SERAC1: variants seen among roughly 807,000 people sequenced by gnomAD.
SERAC1 encodes serine active site containing 1, also known as protein SERAC1.
Under a neutral mutation model 85.7 loss-of-function variants are expected in SERAC1, and 36 were observed. The observed-to-expected ratio is 0.42, with a 90% CI of 0.32 to 0.55. The LOEUF is 0.55. Among genes scored for constraint, SERAC1 ranks in the 20% least tolerant of loss-of-function variants. The pLI is 0.11. For synonymous variants in SERAC1, 242 were observed against 265.3 expected (o/e 0.91, Z 0.85); for missense variants, 629 against 796.2 (o/e 0.79, Z 2.53).
intron 8 of SERAC1, among the ~76,000 whole-genome samples, chr6:158,133,587 A>G (rs1443406003): frequency 6.6e-6 from 1 of 151,970 alleles, no homozygotes; most frequent in African/African-American, 2.4e-5. Context: ...GGGTTTCACC[A>G]TGTTAGACAG....
chr6:158,167,834 T>C (rs968643857), intron 1 of SERAC1, among the ~76,000 whole-genome samples: 98 of 151,870 alleles, frequency 6.5e-4, no homozygotes, highest in Non-Finnish European at 1.0e-3. Context: ...GTGAGGCCCT[T>C]TCCTCCTCCT....
Position 158,146,899 on chromosome 6 carries a change from C to T in SERAC1, c.370G>A (p.Val124Ile), listed in dbSNP as rs376073794. The T allele has an allele frequency of 6.2e-7, 1 of 1,613,164 alleles. No homozygotes were observed. Among genetic ancestry groups the T allele is most frequent in the Admixed American group, 1.7e-5 (1 of 59,976 alleles). ...GCACACTCATGATCTTCTATATCAA[C>T]TGTACTAAAAGGATCTTTGCAAAAA... ...RNPFADPFST[V>I]DIEDHECAVW... Residue 124 changes from valine (V) to isoleucine (I), a missense_variant, in exon 6 of 17, where the codon GTT (valine) becomes ATT (isoleucine). Coordinates refer to ENST00000647468, the MANE Select transcript of SERAC1 (RefSeq NM_032861.4).
chr6:158,120,414 T>G lies in SERAC1; in HGVS notation c.1166+11A>C. 1.2e-6 allele frequency: 2 copies of G among 1,607,750 alleles called. No homozygotes were observed. The highest frequency in any genetic ancestry group is 1.7e-6 in the Non-Finnish European group (2 of 1,175,990). ...CAAAGGGGACAAAGCAACTCTCTTC[T>G]GCTTCCTTACCTTGTTCGATATTGG... On this transcript the variant is annotated intron_variant, in intron 11 of 16. Coordinates refer to ENST00000647468, the MANE Select transcript of SERAC1 (RefSeq NM_032861.4). The surrounding 1 kb of genome is among the most constrained non-coding windows in gnomAD (Gnocchi z 4.4).
chr6:158,113,672 A>G (rs992686454), intron 15 of SERAC1, 80 bp from the exon 16 acceptor site: 3 of 1,257,222 alleles, frequency 2.4e-6, no homozygotes, highest in Admixed American at 2.1e-5. Flanking sequence ...TCAAATTTAG[A>G]GAGGAAATTA....
Position 158,145,960 on chromosome 6 carries a change from A to G in SERAC1, c.487+822T>C, listed in dbSNP as rs185234259. 1.3e-3 allele frequency: 201 copies of G among 152,350 alleles called. 1 individual carries two copies. Among genetic ancestry groups the G allele is most frequent in the African/African-American group, 4.6e-3 (193 of 41,588 alleles). The allele number at this position is 152,350 out of a possible 1,614,324, so 9.4% of individuals were successfully genotyped here. On this transcript the variant is annotated intron_variant, in intron 6 of 16. Coordinates refer to ENST00000647468, the MANE Select transcript of SERAC1 (RefSeq NM_032861.4). The stretch of plus-strand genomic sequence containing the variant: ...TTTTATTGTAAAATTTGTGATTTTT[A>G]AACACAATTACATATTTCAAATAGT...
At chr6:158,114,684 C>T in intron 15 of SERAC1, 105 bp downstream of exon 15, 3 of 454,606 alleles carry the variant, frequency 6.6e-6, no homozygotes, top group Middle Eastern at 5.5e-4. Flanking sequence ...CAATTATATA[C>T]AAATTATAAA....
At chr6:158,154,820 C>T (rs985395975) in intron 3 of SERAC1, among the ~76,000 whole-genome samples, 1 of 152,152 alleles carries the variant, frequency 6.6e-6, no homozygotes, top group Non-Finnish European at 1.5e-5. Flanking sequence ...CCAGATGTGA[C>T]CCTAAGTGTG....
chr6:158,148,860 T>C lies in SERAC1; in HGVS notation c.355+5A>G, dbSNP rs1272614726. The C allele has an allele frequency of 3.1e-6, 5 of 1,596,912 alleles. No homozygotes were observed. Among genetic ancestry groups the C allele is most frequent in the Non-Finnish European group, 4.3e-6 (5 of 1,167,660 alleles). The stretch of plus-strand genomic sequence containing the variant: ...AGGATTCCAAGTCATATAGTGGATA[T>C]TTACCAGCAAATGGATTCCGCAGTA... On this transcript the variant is annotated splice_donor_5th_base_variant and intron_variant, in intron 5 of 16. Coordinates refer to ENST00000647468, the MANE Select transcript of SERAC1 (RefSeq NM_032861.4).
At chr6:158,134,949 G>A (rs561394387) in intron 8 of SERAC1, among the ~76,000 whole-genome samples, 7 of 152,192 alleles carry the variant, frequency 4.6e-5, no homozygotes, top group Non-Finnish European at 1.0e-4. Context: ...AATAAGTGTT[G>A]AGCTGGCATC....
chr6:158,158,670 C>T (rs747481923), intron 1 of SERAC1: 9 of 220,254 alleles, frequency 4.1e-5, no homozygotes, highest in East Asian at 1.1e-4. Context: ...AAGAATTAAA[C>T]GGTAACAAGA....
intron 8 of SERAC1, among the ~76,000 whole-genome samples, chr6:158,141,640 T>C (rs1025707589): frequency 6.6e-6 from 1 of 152,178 alleles, no homozygotes; most frequent in African/African-American, 2.4e-5. Context: ...CCAGATCTCC[T>C]TGGAGAAGCG....
chr6:158,137,075 T>C (rs1477943489), intron 8 of SERAC1, among the ~76,000 whole-genome samples: 2 of 151,788 alleles, frequency 1.3e-5, no homozygotes, highest in Non-Finnish European at 2.9e-5. Context: ...GGAGAATCGC[T>C]TGAATGCGGG....
chr6:158,128,120 T>C lies in SERAC1; in HGVS notation c.1003A>G (p.Ile335Val), dbSNP rs771696248. 1.1e-5 allele frequency: 18 copies of C among 1,613,522 alleles called. No individual in the cohort carries two copies. The highest frequency in any genetic ancestry group is 5.0e-5 in the Admixed American group (3 of 59,966). The change falls in exon 10 of 17, where the codon ATA becomes GTA. Residue 335 changes from isoleucine to valine, a missense_variant. By Grantham distance (29) the Ile-to-Val change is conservative. Coordinates refer to ENST00000647468, the MANE Select transcript of SERAC1 (RefSeq NM_032861.4). ...MALNEHLHSS[I>V]VRSGWVSIMA... ...ATAAAGCTGTTACCTGAGCGAACTA[T>C]AGAAGAATGAAGATGTTCATTCAAA...
rs201023302 is a variant in SERAC1 at position 158,124,748 on chromosome 6, A to AACAC, written c.1015+3356_1015+3359dup. Among the ~76,000 whole-genome samples the AACAC allele has an allele frequency of 6.3e-3, 830 of 131,464 alleles. 6 individuals carry two copies. The highest frequency in any genetic ancestry group is 0.013 in the African/African-American group (440 of 33,218). The allele number at this position is 131,464 out of a possible 152,430, so 86.2% of individuals were successfully genotyped here. ...GAATGACATTTTAGAAATGCTGGAAAACACACACACACACACACACACACA... is the reference window on the plus strand; with the variant it reads ...GAATGACATTTTAGAAATGCTGGAAAACACACACACACACACACACACACACACA... On this transcript the variant is annotated intron_variant, in intron 10 of 16. Transcript: ENST00000647468.
intron 8 of SERAC1, among the ~76,000 whole-genome samples, chr6:158,138,727 T>C (rs1398641687): frequency 6.6e-5 from 10 of 152,080 alleles, no homozygotes; most frequent in Non-Finnish European, 1.2e-4. Flanking sequence ...CTGCTGAAAT[T>C]GAGGTGGTTC....
intron 8 of SERAC1, among the ~76,000 whole-genome samples, chr6:158,135,290 G>A (rs550150784): frequency 7.1e-6 from 1 of 139,944 alleles, no homozygotes; most frequent in Non-Finnish European, 1.5e-5. Context: ...CCAGCACTTT[G>A]GGAGGCCAAG....
intron 8 of SERAC1, among the ~76,000 whole-genome samples, chr6:158,141,919 C>T (rs778596579): frequency 1.1e-4 from 16 of 151,818 alleles, no homozygotes; most frequent in Non-Finnish European, 1.9e-4. Flanking sequence ...TCCCTAATTT[C>T]TCACAAAAGG....
chr6:158,117,880 C>A lies in SERAC1; in HGVS notation c.1309-59G>T. The A allele has an allele frequency of 7.6e-7, 1 of 1,316,156 alleles. No homozygotes were observed. The allele number at this position is 1,316,156 out of a possible 1,614,324, so 81.5% of individuals were successfully genotyped here. Reference sequence around the variant, plus strand: ...TGAATCTTCACCACTGCAATTACTGCCTAGTAAATCAAATTTATAACTAAA... The same window carrying A: ...TGAATCTTCACCACTGCAATTACTGACTAGTAAATCAAATTTATAACTAAA... On this transcript the variant is annotated intron_variant, in intron 12 of 16. Transcript: ENST00000647468. This position sits in a 1 kb window ranked among gnomAD's most constrained non-coding sequence, Gnocchi z 4.3.
At chr6:158,118,704 T>C (rs888840245) in intron 12 of SERAC1, among the ~76,000 whole-genome samples, 5 of 151,982 alleles carry the variant, frequency 3.3e-5, no homozygotes, top group Non-Finnish European at 7.4e-5. Flanking sequence ...ATTAAGGTCA[T>C]AGAATTAGGT....
Sources: allele counts gnomAD v4.1 joint callset (sites outside exome capture counted in the v4.1 genomes callset), GRCh38; gene constraint gnomAD v4.1.1; non-coding constraint Gnocchi (gnomAD v3.1); transcripts MANE v1.5; gene names NCBI Gene and HGNC (gene_info 2026-07-23, HGNC 2026-07-21).